Variants in PARP4 observed in about 807,000 individuals in gnomAD.
PARP4 encodes the protein poly(ADP-ribose) polymerase family member 4.
PARP4 carries 120 observed loss-of-function variants against 187.7 expected under a neutral mutation model. That is an observed-to-expected ratio of 0.64 (90% CI 0.55 to 0.74). The LOEUF (loss-of-function observed/expected upper bound fraction) is 0.74, where lower values mean the gene tolerates loss of function less well. Among genes scored for constraint, PARP4 ranks in the 30% least tolerant of loss-of-function variants. The probability of loss-of-function intolerance (pLI) is 0.00; values close to 1 mark genes in which losing one functional copy is unlikely to be tolerated. For missense variants in PARP4, 1,836 were observed against 2,070.5 expected, an observed-to-expected ratio of 0.89 and a Z score of 2.20; for synonymous variants, 654 against 740.9, an observed-to-expected ratio of 0.88 and a Z score of 1.90.
chr13:24,454,603 C>T (rs368565451), intron 22 of PARP4, among the ~76,000 whole-genome samples: 7 of 152,334 alleles, frequency 4.6e-5, no homozygotes, highest in African/African-American at 1.7e-4. Flanking sequence ...AGACTTGGGA[C>T]CTCCTACTCA....
At chr13:24,463,350 T>C (rs1291263553) in intron 17 of PARP4, among the ~76,000 whole-genome samples, 2 of 152,094 alleles carry the variant, frequency 1.3e-5, no homozygotes, top group Non-Finnish European at 2.9e-5. Flanking sequence ...ATGCACTCTT[T>C]GCTAGCACAC....
In PARP4 at chr13:24,435,072, TG is replaced by T; in HGVS notation, c.4068del (p.Arg1357AspfsTer50). 1 of 1,614,068 alleles carries T rather than the reference TG, an allele frequency of 6.2e-7. No individual in the cohort carries two copies. Among genetic ancestry groups the T allele is most frequent in the Non-Finnish European group, 8.5e-7 (1 of 1,180,042 alleles). On this transcript the variant is annotated frameshift_variant, in exon 31 of 34. Coordinates refer to ENST00000381989, the MANE Select transcript of PARP4 (RefSeq NM_006437.4). LOFTEE classifies it high-confidence loss of function. ...QVASFGSAAP[P>X]RQFDASQFSQ... is the part of the protein sequence containing the mutation. ...CTGAATTGAGATGCATCAAACTGTC[TG>T]GGAGGAGCAGCTGAACCGAAACTAG... is the stretch of plus-strand genomic sequence containing the variant.
chr13:24,501,967 C>A, intron 2 of PARP4, 133 bp from the exon 3 acceptor site: 2 of 608,286 alleles, frequency 3.3e-6, no homozygotes, highest in Non-Finnish European at 5.7e-6. Flanking sequence ...TTCGAAAAAC[C>A]TCTATAAATA....
intron 32 of PARP4, among the ~76,000 whole-genome samples, chr13:24,430,512 G>C (rs1341826773): frequency 6.6e-6 from 1 of 151,074 alleles, no homozygotes; most frequent in Non-Finnish European, 1.5e-5. Context: ...AAATTAGTCA[G>C]GCATAGTGGC....
intron 12 of PARP4, among the ~76,000 whole-genome samples, chr13:24,480,065 T>C (rs1388947770): frequency 2.0e-5 from 3 of 149,048 alleles, no homozygotes; most frequent in Non-Finnish European, 2.9e-5. Context: ...CGAACACATC[T>C]GAACATCAGA....
intron 17 of PARP4, 110 bp from the exon 18 acceptor site, chr13:24,460,246 C>T (rs750771): frequency 0.21 from 180,171 of 878,816 alleles, 19,547 homozygotes; most frequent in East Asian, 0.32. Context: ...CCAAATTCTT[C>T]CTCAGAAAAC....
At position 24,501,711 on chromosome 13, in the gene PARP4, GTC is replaced by G; in HGVS notation, c.254_255del (p.Arg85ThrfsTer8). On this transcript the variant is annotated frameshift_variant, in exon 3 of 34. Transcript: ENST00000381989. LOFTEE classifies it high-confidence loss of function. Reference sequence around the variant, plus strand: ...GGATCATAATTCTTTACATCCAAGAGTCTCTTTTCCCTGATAGATTTCCATAT... The same window carrying G: ...GGATCATAATTCTTTACATCCAAGAGTCTTTTCCCTGATAGATTTCCATAT... ...DFIWKSIREKRLLDVKNYDPY... is the reference protein window; with the variant it reads ...DFIWKSIREKXLLDVKNYDPY... The G allele has an allele frequency of 4.3e-6, 7 of 1,612,490 alleles. No individual in the cohort carries two copies. Among genetic ancestry groups the G allele is most frequent in the Non-Finnish European group, 5.9e-6 (7 of 1,178,542 alleles).
At chr13:24,473,526 GAA>G (rs1872826811) in intron 15 of PARP4, among the ~76,000 whole-genome samples, 1 of 151,604 alleles carries the variant, frequency 6.6e-6, no homozygotes, top group African/African-American at 2.4e-5. Context: ...TATAGAGAAG[GAA>G]GCAGTTCCAG....
intron 30 of PARP4, among the ~76,000 whole-genome samples, chr13:24,436,839 AAGG>A (rs1481044539): frequency 6.6e-6 from 1 of 152,228 alleles, no homozygotes; most frequent in East Asian, 1.9e-4. Flanking sequence ...TGATTTAAAA[AAGG>A]AGTAGTCCTT....
intron 6 of PARP4, among the ~76,000 whole-genome samples, chr13:24,496,705 G>A (rs548291202): frequency 1.3e-5 from 2 of 152,174 alleles, no homozygotes; most frequent in African/African-American, 2.4e-5. Context: ...CCACTCTCAC[G>A]GAGAAGTGAC....
At chr13:24,498,752 A>G (rs117331534) in intron 5 of PARP4, among the ~76,000 whole-genome samples, 33 of 50,196 alleles carry the variant, frequency 6.6e-4, no homozygotes, top group Non-Finnish European at 9.7e-4. Flanking sequence ...ATTTGTGGGG[A>G]AAAAAAAAAA....
intron 1 of PARP4, among the ~76,000 whole-genome samples, chr13:24,506,948 C>T (rs989305890): frequency 6.6e-6 from 1 of 152,206 alleles, no homozygotes; most frequent in African/African-American, 2.4e-5. Context: ...CCGAGCCCTG[C>T]CCCGCGGGGA....
At chr13:24,443,800 T>C (rs1871073869) in intron 27 of PARP4, 70 bp from the exon 28 acceptor site, 6 of 1,070,846 alleles carry the variant, frequency 5.6e-6, no homozygotes, top group Non-Finnish European at 8.7e-6. Flanking sequence ...AAGAACATCA[T>C]TTTAAAAATG....
chr13:24,432,440 A>T (rs9507341), intron 31 of PARP4, among the ~76,000 whole-genome samples: 5 of 152,060 alleles, frequency 3.3e-5, no homozygotes, highest in East Asian at 1.9e-4. Flanking sequence ...ATGTGTTTGG[A>T]GTTAAATATA....
At chr13:24,458,109 AT>A (rs1209906906) in intron 20 of PARP4, among the ~76,000 whole-genome samples, 3,325 of 139,294 alleles carry the variant, frequency 0.024, 46 homozygotes, top group African/African-American at 0.037. Context: ...TGTCTCTACA[AT>A]TTTTTTTTTT....
At chr13:24,483,214 C>T (rs145244513) in intron 12 of PARP4, among the ~76,000 whole-genome samples, 2,012 of 151,636 alleles carry the variant, frequency 0.013, 46 homozygotes, top group African/African-American at 0.045. Flanking sequence ...TGGCCGGGCG[C>T]GGTGGCTCAC....
At chr13:24,452,272 C>G in intron 24 of PARP4, 134 bp downstream of exon 24, 2 of 688,688 alleles carry the variant, frequency 2.9e-6, no homozygotes, top group Non-Finnish European at 4.8e-6. Context: ...GCTGGGAGCC[C>G]GGAGCCCCAT....
chr13:24,425,575 C>A (rs9511250), intron 33 of PARP4, among the ~76,000 whole-genome samples: 4,055 of 66,586 alleles, frequency 0.061, 112 homozygotes, highest in African/African-American at 0.12. Flanking sequence ...GTGTGTATAT[C>A]TATATCTATA....
intron 15 of PARP4, among the ~76,000 whole-genome samples, chr13:24,474,147 A>T (rs1372164922): frequency 6.6e-6 from 1 of 152,086 alleles, no homozygotes; most frequent in African/African-American, 2.4e-5. Context: ...CTAGTTATTC[A>T]GGGCAAACAC....
Sources: gnomAD v4.1 joint callset for allele counts (sites outside exome capture counted in the v4.1 genomes callset) on GRCh38, gnomAD v4.1.1 for gene constraint, MANE v1.5 for transcripts, NCBI Gene and HGNC (gene_info 2026-07-23, HGNC 2026-07-21) for gene names.